Variants in ARAP2 observed in about 807,000 individuals in gnomAD.
ARAP2 encodes the protein arf-GAP with Rho-GAP domain, ANK repeat and PH domain-containing protein 2.
A neutral mutation model predicts 194.5 loss-of-function variants in ARAP2; 148 were observed. The observed-to-expected ratio is 0.76, with a 90% CI of 0.67 to 0.87. The LOEUF (loss-of-function observed/expected upper bound fraction) is 0.87, where lower values mean the gene tolerates loss of function less well. Among genes scored for constraint, ARAP2 ranks in the 40% least tolerant of loss-of-function variants. The pLI is 0.00. For synonymous variants in ARAP2, 695 were observed against 683.5 expected (o/e 1.02, Z -0.26); for missense variants, 2,128 against 1,989.7 (o/e 1.07, Z -1.32).
chr4:36,035,999 C>A (rs1048254721), intron 5 of ARAP2, among the ~76,000 whole-genome samples: 1 of 152,060 alleles, frequency 6.6e-6, no homozygotes, highest in African/African-American at 2.4e-5. Flanking sequence ...TTATTTTTTT[C>A]ATGCTGCAAC....
Position 36,073,148 on chromosome 4 carries a change from C to T in ARAP2, c.4743+541G>A, listed in dbSNP as rs563076292. 4.6e-5 allele frequency among the ~76,000 whole-genome samples: 7 copies of T among 152,128 alleles called. No individual in the cohort carries two copies. The East Asian group carries it at 1.2e-3, about 25-fold the overall frequency. Reference sequence around the variant, plus strand: ...CCAAACTTCATGTCAAGATTGATGCCGCTTATGATCTCCCAACCCTCAAGG... The same window carrying T: ...CCAAACTTCATGTCAAGATTGATGCTGCTTATGATCTCCCAACCCTCAAGG... On this transcript the variant is annotated intron_variant, in intron 32 of 32. Coordinates refer to ENST00000303965, the MANE Select transcript of ARAP2 (RefSeq NM_015230.4).
At chr4:36,103,191 C>T (rs1250223852) in intron 27 of ARAP2, among the ~76,000 whole-genome samples, 3 of 151,610 alleles carry the variant, frequency 2.0e-5, no homozygotes, top group Non-Finnish European at 4.4e-5. Flanking sequence ...AATTCCATAG[C>T]ATCTGTCATA....
At chr4:36,196,840 C>T (rs972231816) in intron 6 of ARAP2, among the ~76,000 whole-genome samples, 3 of 151,796 alleles carry the variant, frequency 2.0e-5, no homozygotes, top group South Asian at 4.2e-4. Flanking sequence ...TCTTTCTTGC[C>T]TCATGGCCTT....
chr4:36,123,474 T>A (rs1365917474), intron 22 of ARAP2, among the ~76,000 whole-genome samples: 1 of 151,776 alleles, frequency 6.6e-6, no homozygotes, highest in African/African-American at 2.4e-5. Flanking sequence ...TTGTCTTTAA[T>A]TTAAGTGGCT....
At chr4:36,243,142 G>T (rs936866123) in intron 1 of ARAP2, among the ~76,000 whole-genome samples, 1 of 151,342 alleles carries the variant, frequency 6.6e-6, no homozygotes, top group African/African-American at 2.4e-5. Context: ...CTTAAAAAAA[G>T]TTAGCTTGCT....
chr4:36,121,074 A>T, intron 23 of ARAP2, 105 bp downstream of exon 23: 1 of 821,956 alleles, frequency 1.2e-6, no homozygotes. Context: ...ATGTATTTCT[A>T]AATATGAATA....
At chr4:36,136,804 T>C (rs941084679) in intron 19 of ARAP2, among the ~76,000 whole-genome samples, 3 of 126,236 alleles carry the variant, frequency 2.4e-5, no homozygotes, top group African/African-American at 8.2e-5. Flanking sequence ...TGTGTGTGTG[T>C]GTGTGTGTGT....
At chr4:36,104,966 G>T (rs963444766) in intron 27 of ARAP2, among the ~76,000 whole-genome samples, 2 of 151,970 alleles carry the variant, frequency 1.3e-5, no homozygotes, top group Non-Finnish European at 2.9e-5. Flanking sequence ...AGTAGGGATA[G>T]TTCAGGGACA....
At chr4:36,177,756 C>G (rs993351705) in intron 9 of ARAP2, 71 bp downstream of exon 9, 2 of 1,409,366 alleles carry the variant, frequency 1.4e-6, no homozygotes, top group African/African-American at 2.9e-5. Flanking sequence ...CACTAATAAT[C>G]CTTCCAAACA....
chr4:36,041,948 C>T (rs1285146529), intron 5 of ARAP2, among the ~76,000 whole-genome samples: 1 of 152,074 alleles, frequency 6.6e-6, no homozygotes, highest in African/African-American at 2.4e-5. Context: ...CGCATGTTCT[C>T]ACTTATAAGT....
intron 5 of ARAP2, among the ~76,000 whole-genome samples, chr4:36,028,608 GT>G (rs542219796): frequency 2.3e-3 from 207 of 90,552 alleles, no homozygotes; most frequent in African/African-American, 6.0e-3. Context: ...TTTGTCTTCT[GT>G]TTTTTTTCCT....
intron 27 of ARAP2, among the ~76,000 whole-genome samples, chr4:36,095,907 G>A (rs894403081): frequency 3.9e-5 from 6 of 152,010 alleles, no homozygotes; most frequent in African/African-American, 9.7e-5. Flanking sequence ...ACACCTATCC[G>A]GAAGGATTGT....
At chr4:36,062,905 C>T (rs1435478514), downstream of ARAP2, among the ~76,000 whole-genome samples, 1 of 152,030 alleles carries the variant, frequency 6.6e-6, no homozygotes, top group Non-Finnish European at 1.5e-5. Flanking sequence ...ACTTTAATTA[C>T]CTGATTCATT....
intron 2 of ARAP2, among the ~76,000 whole-genome samples, chr4:36,223,503 AAT>A (rs1195912998): frequency 6.6e-6 from 1 of 152,202 alleles, no homozygotes; most frequent in Non-Finnish European, 1.5e-5. Flanking sequence ...CTATTACTTA[AAT>A]AGAGAATTAA....
At chr4:36,012,972 C>G (rs1358284256) in intron 8 of ARAP2, 1 of 152,068 alleles carries the variant, frequency 6.6e-6, no homozygotes, top group Admixed American at 6.5e-5. Flanking sequence ...AAATTATAGT[C>G]TAAAGTTTTG....
At chr4:36,189,950 T>A (rs1741500071) in intron 7 of ARAP2, among the ~76,000 whole-genome samples, 1 of 152,204 alleles carries the variant, frequency 6.6e-6, no homozygotes. Flanking sequence ...CTTTGACCTT[T>A]GCTGGTTCCT....
At chr4:36,092,280 TAA>T (rs1321343170) in intron 27 of ARAP2, among the ~76,000 whole-genome samples, 1 of 152,160 alleles carries the variant, frequency 6.6e-6, no homozygotes, top group African/African-American at 2.4e-5. Flanking sequence ...GCTATAAGTA[TAA>T]AGTTTCTACT....
chr4:36,151,352 C>T (rs967354838), intron 15 of ARAP2, among the ~76,000 whole-genome samples: 1 of 152,072 alleles, frequency 6.6e-6, no homozygotes, highest in Non-Finnish European at 1.5e-5. Context: ...AATAAAATGT[C>T]TGTAGAGTAT....
intron 9 of ARAP2, among the ~76,000 whole-genome samples, chr4:36,167,449 A>G (rs1257992586): frequency 3.3e-5 from 5 of 152,178 alleles, no homozygotes; most frequent in African/African-American, 9.6e-5. Context: ...AAAAGATGGG[A>G]AAACTGAGGC....
Sources: gnomAD v4.1 joint callset for allele counts (sites outside exome capture counted in the v4.1 genomes callset) on GRCh38, gnomAD v4.1.1 for gene constraint, MANE v1.5 for transcripts, NCBI Gene and HGNC (gene_info 2026-07-23, HGNC 2026-07-21) for gene names.